Variants in RALGPS1 observed in about 807,000 individuals in gnomAD.
The protein encoded by RALGPS1 is ras-specific guanine nucleotide-releasing factor RalGPS1.
Under a neutral mutation model 78.8 loss-of-function variants are expected in RALGPS1, and 19 were observed. That is an observed-to-expected ratio of 0.24 (90% CI 0.17 to 0.35). The LOEUF (loss-of-function observed/expected upper bound fraction) is 0.35. Ranked by LOEUF, RALGPS1 falls within the 10% of genes least tolerant of loss-of-function variation. The pLI is 1.00. For missense variants in RALGPS1, 454 were observed against 688.3 expected (o/e 0.66, Z 3.81); for synonymous variants, 228 against 256.3 (o/e 0.89, Z 1.06).
At chr9:127,217,298 C>T in intron 18 of RALGPS1, 1 of 1,101,184 alleles carries the variant, frequency 9.1e-7, no homozygotes, top group East Asian at 5.5e-5. Context: ...ACCAAATATT[C>T]CCACTATGTG....
At position 127,196,494 on chromosome 9, in the gene RALGPS1, T is replaced by C; in HGVS notation, c.1058T>C (p.Val353Ala). The C allele has an allele frequency of 6.2e-7, 1 of 1,613,840 alleles. No homozygotes were observed. The highest frequency in any genetic ancestry group is 8.5e-7 in the Non-Finnish European group (1 of 1,179,806). ...LGNNMMCQLSVVESKSATFPS... is the reference protein window; with the variant it reads ...LGNNMMCQLSAVESKSATFPS... ...TCCAGTATGATGTGTCAGTTGAGTG[T>C]AGTTGAGAGTAAAAGTGCGACATTC... The change falls in exon 13 of 19, where the codon GTA becomes GCA. Residue 353 changes from valine (V) to alanine (A), a missense_variant. Physicochemically the swap from Val to Ala is moderately conservative, Grantham distance 64 (BLOSUM62 0). Coordinates refer to ENST00000259351, the MANE Select transcript of RALGPS1 (RefSeq NM_014636.3).
At chr9:127,059,834 C>T (rs1033192452) in intron 7 of RALGPS1, among the ~76,000 whole-genome samples, 1 of 152,118 alleles carries the variant, frequency 6.6e-6, no homozygotes, top group Non-Finnish European at 1.5e-5. Flanking sequence ...AGAAGACTCT[C>T]TTAACAGACT....
intron 8 of RALGPS1, chr9:127,108,449 CATT>C (rs780218391): frequency 1.2e-6 from 2 of 1,611,012 alleles, no homozygotes; most frequent in Non-Finnish European, 1.7e-6. Context: ...TTGAGCAGCT[CATT>C]GTTGAGCAGC....
At chr9:127,213,179 C>G in intron 17 of RALGPS1, 130 bp downstream of exon 17, 7 of 1,473,944 alleles carry the variant, frequency 4.7e-6, no homozygotes, top group Non-Finnish European at 5.4e-6. Flanking sequence ...TTCTGACGTT[C>G]ATGGGGTCCA....
At chr9:126,981,546 A>C (rs913928813) in intron 4 of RALGPS1, among the ~76,000 whole-genome samples, 1 of 152,130 alleles carries the variant, frequency 6.6e-6, no homozygotes, top group Non-Finnish European at 1.5e-5. Flanking sequence ...GTGGGTGCTG[A>C]TGTGGACTGT....
Position 127,218,661 on chromosome 9 carries a change from TC to T in RALGPS1, c.1645-76del. The T allele has an allele frequency of 1.4e-6, 2 of 1,449,030 alleles. No homozygotes were observed. The highest frequency in any genetic ancestry group is 1.9e-6 in the Non-Finnish European group (2 of 1,029,648). 89.8% of individuals were successfully genotyped at this position (1,449,030 alleles called of 1,614,324 possible). A position where few individuals can be genotyped will look rare whatever the true frequency, so the allele number is the denominator to read the frequency against. On this transcript the variant is annotated intron_variant, in intron 18 of 18. Transcript: ENST00000259351. This position sits in a 1 kb window ranked among gnomAD's most constrained non-coding sequence, Gnocchi z 4.4. ...TCCCAGACTCACGGGGAAAGGCCTGTCCCTTCCCCTAGGGACCACCACCCCT... is the reference window on the plus strand; with the variant it reads ...TCCCAGACTCACGGGGAAAGGCCTGTCCTTCCCCTAGGGACCACCACCCCT...
At chr9:126,924,118 C>T (rs986930145) in intron 1 of RALGPS1, among the ~76,000 whole-genome samples, 3 of 152,192 alleles carry the variant, frequency 2.0e-5, no homozygotes, top group African/African-American at 7.2e-5. Context: ...CCCCACCTGA[C>T]AAATCCCATG....
At position 126,997,358 on chromosome 9, in the gene RALGPS1, T is replaced by A. The variant is rs1357847746; in HGVS notation, c.216+19613T>A. On this transcript the variant is annotated intron_variant, in intron 4 of 18. Transcript: ENST00000259351. ...AGGATTCAAAATCAATGTACAAAAA[T>A]CACAAGCATTCTTACACACCAATAA... Among the ~76,000 whole-genome samples the A allele has an allele frequency of 2.6e-5, 4 of 152,132 alleles. No individual in the cohort carries two copies. In the East Asian group the frequency reaches 7.7e-4, roughly 29 times the overall value.
At chr9:127,005,032 G>A (rs1367459694) in intron 4 of RALGPS1, among the ~76,000 whole-genome samples, 1 of 152,212 alleles carries the variant, frequency 6.6e-6, no homozygotes, top group Non-Finnish European at 1.5e-5. Flanking sequence ...ACTTAGACAT[G>A]ACTGAGCTGA....
intron 11 of RALGPS1, among the ~76,000 whole-genome samples, chr9:127,182,593 C>A (rs553973688): frequency 6.6e-6 from 1 of 152,056 alleles, no homozygotes; most frequent in East Asian, 1.9e-4. Context: ...CCATGCCCAG[C>A]AAATTTTTGT....
intron 1 of RALGPS1, among the ~76,000 whole-genome samples, chr9:126,954,193 A>G (rs2038131248): frequency 6.6e-6 from 1 of 152,196 alleles, no homozygotes; most frequent in Non-Finnish European, 1.5e-5. Flanking sequence ...ATGAACTACC[A>G]AGCAGTGTGT....
intron 14 of RALGPS1, among the ~76,000 whole-genome samples, chr9:127,202,943 G>C (rs781616404): frequency 1.3e-5 from 2 of 152,182 alleles, no homozygotes; most frequent in Non-Finnish European, 2.9e-5. Context: ...ACCTGGAGAG[G>C]AGGGCTGTGG....
chr9:127,178,157 A>T (rs139277742), intron 11 of RALGPS1: 26 of 613,712 alleles, frequency 4.2e-5, no homozygotes, highest in African/African-American at 4.0e-4. Context: ...GTGGGCAGGG[A>T]GGGGGAAGCA....
At chr9:127,154,248 G>C (rs1212524575) in intron 8 of RALGPS1, among the ~76,000 whole-genome samples, 1 of 152,258 alleles carries the variant, frequency 6.6e-6, no homozygotes, top group East Asian at 1.9e-4. Context: ...CAGGGCTGCT[G>C]CTGGGCCAGC....
intron 8 of RALGPS1, among the ~76,000 whole-genome samples, chr9:127,071,180 T>A (rs1002354269): frequency 3.3e-5 from 5 of 152,002 alleles, no homozygotes; most frequent in African/African-American, 1.2e-4. Flanking sequence ...TCTCATACTT[T>A]GTATTTTTTG....
At chr9:127,166,267 G>C in intron 9 of RALGPS1, 61 bp downstream of exon 9, 2 of 1,585,466 alleles carry the variant, frequency 1.3e-6, no homozygotes, top group South Asian at 2.3e-5. Flanking sequence ...GGTCTTACCA[G>C]TGAGAAAGCT....
Position 127,221,973 on chromosome 9 carries a change from C to T in RALGPS1, c.*3204C>T, listed in dbSNP as rs2062784982. 6.6e-6 allele frequency: 1 copy of T among 152,126 alleles called. No homozygotes were observed. The highest frequency in any genetic ancestry group is 2.1e-4 in the South Asian group (1 of 4,814). 9.4% of individuals were successfully genotyped at this position (152,126 alleles called of 1,614,324 possible). On this transcript the variant is annotated 3_prime_UTR_variant, in exon 19 of 19. Coordinates refer to ENST00000259351, the MANE Select transcript of RALGPS1 (RefSeq NM_014636.3). ...AATACAGCTTTCTGGTTTGTGAGCCCATAAATGACTTAAATCAGCTTTACA... is the reference window on the plus strand; with the variant it reads ...AATACAGCTTTCTGGTTTGTGAGCCTATAAATGACTTAAATCAGCTTTACA...
intron 8 of RALGPS1, among the ~76,000 whole-genome samples, chr9:127,133,001 C>G (rs1156892560): frequency 6.6e-6 from 1 of 152,226 alleles, no homozygotes; most frequent in Non-Finnish European, 1.5e-5. Flanking sequence ...CTTCTCTATG[C>G]TTCAGTGTCC....
intron 7 of RALGPS1, among the ~76,000 whole-genome samples, chr9:127,064,414 A>T (rs1453716691): frequency 6.6e-6 from 1 of 152,224 alleles, no homozygotes; most frequent in Non-Finnish European, 1.5e-5. Flanking sequence ...CCCTATATTT[A>T]AAAAATTAAA....
Sources: allele counts gnomAD v4.1 joint callset (sites outside exome capture counted in the v4.1 genomes callset), GRCh38; gene constraint gnomAD v4.1.1; non-coding constraint Gnocchi (gnomAD v3.1); transcripts MANE v1.5; gene names NCBI Gene and HGNC (gene_info 2026-07-23, HGNC 2026-07-21).